CHMP6: variants seen among roughly 807,000 people sequenced by gnomAD.
The protein encoded by CHMP6 is charged multivesicular body protein 6, also known as chromatin-modifying protein 6.
A neutral mutation model predicts 32.8 loss-of-function variants in CHMP6; 10 were observed. The observed-to-expected ratio is 0.30, with a 90% CI of 0.19 to 0.52. CHMP6 has a LOEUF of 0.52. CHMP6 is among the 20% of genes least tolerant of loss of function. The probability of loss-of-function intolerance (pLI) is 0.97; values close to 1 mark genes in which losing one functional copy is unlikely to be tolerated. For missense variants in CHMP6, 269 were observed against 263.8 expected, an observed-to-expected ratio of 1.02 and a Z score of -0.14; for synonymous variants, 123 against 105.8, an observed-to-expected ratio of 1.16 and a Z score of -1.00.
rs2069664500 is a variant in CHMP6 at position 80,999,175 on chromosome 17, TCA to T, written c.*24_*25del. On this transcript the variant is annotated 3_prime_UTR_variant, in exon 8 of 8. Coordinates refer to ENST00000325167, the MANE Select transcript of CHMP6 (RefSeq NM_024591.5). ...GTAACGTGGCCTCGTCTTGTGGGAC[TCA>T]CGGGGATGCCCCAGGGACTGTGGCC... is the stretch of plus-strand genomic sequence containing the variant. 6.2e-7 allele frequency: 1 copy of T among 1,613,552 alleles called. No individual in the cohort carries two copies. The highest frequency in any genetic ancestry group is 8.5e-7 in the Non-Finnish European group (1 of 1,179,744).
In CHMP6 at chr17:80,999,186, C is replaced by A. The variant is rs747873885; in HGVS notation, c.*33C>A. The A allele has an allele frequency of 3.6e-5, 58 of 1,611,934 alleles. No individual in the cohort carries two copies. Among genetic ancestry groups the A allele is most frequent in the Non-Finnish European group, 4.7e-5 (55 of 1,178,416 alleles). ...TCGTCTTGTGGGACTCACGGGGATGCCCCAGGGACTGTGGCCCACAGAGAG... is the reference window on the plus strand; with the variant it reads ...TCGTCTTGTGGGACTCACGGGGATGACCCAGGGACTGTGGCCCACAGAGAG... On this transcript the variant is annotated 3_prime_UTR_variant, in exon 8 of 8. Coordinates refer to ENST00000325167, the MANE Select transcript of CHMP6 (RefSeq NM_024591.5).
At chr17:80,997,834 G>A (rs934152624) in intron 6 of CHMP6, among the ~76,000 whole-genome samples, 3 of 152,190 alleles carry the variant, frequency 2.0e-5, no homozygotes, top group Admixed American at 6.5e-5. Flanking sequence ...GCTGCCAGCT[G>A]CCCCGGCGCC....
At chr17:80,996,721 C>A (rs1265754422) in intron 4 of CHMP6, among the ~76,000 whole-genome samples, 1 of 152,210 alleles carries the variant, frequency 6.6e-6, no homozygotes, top group Non-Finnish European at 1.5e-5. Flanking sequence ...AAAGACTCAT[C>A]AAACGGCCCC....
chr17:80,998,139 G>A (rs2069654920), intron 6 of CHMP6, among the ~76,000 whole-genome samples: 1 of 152,180 alleles, frequency 6.6e-6, no homozygotes, highest in South Asian at 2.1e-4. Context: ...CCCAGGGTCT[G>A]TTGGGAGGAG....
At chr17:80,998,180 G>A (rs2069655301) in intron 6 of CHMP6, among the ~76,000 whole-genome samples, 186 bp from the exon 7 acceptor site, 1 of 152,176 alleles carries the variant, frequency 6.6e-6, no homozygotes, top group African/African-American at 2.4e-5. Flanking sequence ...TCACCACCTA[G>A]GGGATTCTGG....
At chr17:80,997,179 A>G in intron 5 of CHMP6, 82 bp from the exon 6 acceptor site, 1 of 1,601,398 alleles carries the variant, frequency 6.2e-7, no homozygotes. Context: ...TCTCAAGGGG[A>G]CGAGACCCAG....
Position 80,998,621 on chromosome 17 carries a change from A to G in CHMP6, c.550+201A>G, listed in dbSNP as rs11653865. 872,786 of 1,438,636 alleles carry G rather than the reference A, an allele frequency of 0.61. 268,114 individuals are homozygous for G. Among genetic ancestry groups the G allele is most frequent in the African/African-American group, 0.87 (60,706 of 69,686 alleles). 89.1% of individuals were successfully genotyped at this position (1,438,636 alleles called of 1,614,324 possible). A position where few individuals can be genotyped will look rare whatever the true frequency, so the allele number is the denominator to read the frequency against. ...AGGGGTTCGGTAACTGGGCAACCTC[A>G]TAAGAGAGCCATACCCCATTCAAAG... is the stretch of plus-strand genomic sequence containing the variant. On this transcript the variant is annotated intron_variant, in intron 7 of 7. Transcript: ENST00000325167.
intron 7 of CHMP6, 50 bp downstream of exon 7, chr17:80,998,470 G>A: frequency 6.2e-7 from 1 of 1,613,726 alleles, no homozygotes; most frequent in Admixed American, 1.7e-5. Flanking sequence ...CAGGAGAAAA[G>A]TGGATTCTAG....
chr17:80,996,906 CA>C, intron 4 of CHMP6, 100 bp from the exon 5 acceptor site: 1 of 1,159,458 alleles, frequency 8.6e-7, no homozygotes. Flanking sequence ...TAAAAATAAA[CA>C]GAGGGGTGAG....
intron 7 of CHMP6, 127 bp from the exon 8 acceptor site, chr17:80,998,971 G>C: frequency 9.5e-7 from 1 of 1,057,764 alleles, no homozygotes; most frequent in South Asian, 1.4e-5. Context: ...CCCCAGAGCT[G>C]GGCGTGCCCT....
chr17:80,995,784 T>A (rs745923945), intron 4 of CHMP6, 26 bp downstream of exon 4: 56 of 1,606,388 alleles, frequency 3.5e-5, no homozygotes, highest in Admixed American at 6.7e-5. Flanking sequence ...GCCAGGGGCA[T>A]GGAGGTGTGG....
At chr17:80,992,203 T>G (rs948094197) in intron 1 of CHMP6, among the ~76,000 whole-genome samples, 1 of 150,672 alleles carries the variant, frequency 6.6e-6, no homozygotes, top group African/African-American at 2.4e-5. Context: ...GCTGCCGTCT[T>G]CCCCGGGGCC....
At chr17:80,993,154 G>A (rs1298750003) in intron 1 of CHMP6, among the ~76,000 whole-genome samples, 1 of 152,240 alleles carries the variant, frequency 6.6e-6, no homozygotes, top group Non-Finnish European at 1.5e-5. Context: ...ACTTGCCAAG[G>A]GTCACTGTGG....
At position 80,995,663 on chromosome 17, in the gene CHMP6, C is replaced by T. The variant is rs1243630764; in HGVS notation, c.262-9C>T. 1 of 1,613,712 alleles carries T rather than the reference C, an allele frequency of 6.2e-7. No individual in the cohort carries two copies. The highest frequency in any genetic ancestry group is 1.7e-5 in the Admixed American group (1 of 60,010). ...TCAGCACCTGCGTCTGCTCTGGTTTCCTTTTCAGGTTCAGAGTATTGAGTT... is the reference window on the plus strand; with the variant it reads ...TCAGCACCTGCGTCTGCTCTGGTTTTCTTTTCAGGTTCAGAGTATTGAGTT... On this transcript the variant is annotated splice_polypyrimidine_tract_variant and intron_variant, in intron 3 of 7. Coordinates refer to ENST00000325167, the MANE Select transcript of CHMP6 (RefSeq NM_024591.5).
At chr17:80,992,003 C>G (rs113288581) in intron 1 of CHMP6, 22 bp downstream of exon 1, 1 of 1,405,572 alleles carries the variant, frequency 7.1e-7, no homozygotes. Context: ...GGCCCGGGGT[C>G]AGGGCTGGGG....
chr17:80,995,191 C>T (rs1473774793), intron 3 of CHMP6, 85 bp downstream of exon 3: 12 of 1,344,532 alleles, frequency 8.9e-6, no homozygotes, highest in Admixed American at 2.1e-5. Context: ...AAATTTCTCC[C>T]GAGAGCTGAA....
chr17:80,992,668 G>C (rs569327455), intron 1 of CHMP6, among the ~76,000 whole-genome samples: 1 of 152,138 alleles, frequency 6.6e-6, no homozygotes. Flanking sequence ...CTGACCCCCC[G>C]GGGCACAGCC....
intron 4 of CHMP6, 36 bp downstream of exon 4, chr17:80,995,794 G>A (rs761518479): frequency 1.3e-6 from 2 of 1,593,160 alleles, no homozygotes; most frequent in Admixed American, 1.7e-5. Context: ...TGGAGGTGTG[G>A]GGAGCCCATT....
At chr17:80,996,862 G>A in intron 4 of CHMP6, 145 bp from the exon 5 acceptor site, 1 of 813,608 alleles carries the variant, frequency 1.2e-6, no homozygotes. Flanking sequence ...GCCCAGCCTG[G>A]GCAACACAGC....
Sources: gnomAD v4.1 joint callset for allele counts (sites outside exome capture counted in the v4.1 genomes callset) on GRCh38, gnomAD v4.1.1 for gene constraint, MANE v1.5 for transcripts, NCBI Gene and HGNC (gene_info 2026-07-23, HGNC 2026-07-21) for gene names.